TRIO: variants seen among roughly 807,000 people sequenced by gnomAD.
TRIO encodes triple functional domain protein.
In TRIO, 58 loss-of-function variants were observed where a neutral mutation model predicts 351.9. The observed-to-expected ratio is 0.16, with a 90% CI of 0.13 to 0.21. The LOEUF (loss-of-function observed/expected upper bound fraction) is 0.21. Ranked by LOEUF, TRIO falls within the 10% of genes least tolerant of loss-of-function variation. The pLI, the probability that TRIO is intolerant of heterozygous loss-of-function variation, is 1.00. For missense variants in TRIO, 3,201 were observed against 4,027.8 expected (o/e 0.79, Z 5.56); for synonymous variants, 1,758 against 1,595.7 (o/e 1.10, Z -2.42).
chr5:14,296,705 C>T (rs1737392879), intron 6 of TRIO, among the ~76,000 whole-genome samples: 1 of 152,164 alleles, frequency 6.6e-6, no homozygotes, highest in African/African-American at 2.4e-5. Flanking sequence ...CCTCAGTTCT[C>T]TGTGACTGCC....
intron 7 of TRIO, among the ~76,000 whole-genome samples, chr5:14,298,283 A>G (rs1057133689): frequency 1.3e-5 from 2 of 152,228 alleles, no homozygotes; most frequent in Non-Finnish European, 2.9e-5. Context: ...TGAAAGTAGC[A>G]AAATGAAAGG....
intron 1 of TRIO, among the ~76,000 whole-genome samples, chr5:14,223,905 A>C (rs1792812696): frequency 6.6e-6 from 1 of 152,174 alleles, no homozygotes; most frequent in Admixed American, 6.5e-5. Context: ...GATATCCCCA[A>C]AGTCTTGACT....
intron 21 of TRIO, among the ~76,000 whole-genome samples, chr5:14,386,150 C>G (rs1746520127): frequency 6.6e-6 from 1 of 152,284 alleles, no homozygotes; most frequent in South Asian, 2.1e-4. Flanking sequence ...TTAAGGGGGT[C>G]CAGGGAGGGC....
intron 34 of TRIO, among the ~76,000 whole-genome samples, chr5:14,454,366 T>A (rs2126449376): frequency 6.6e-6 from 1 of 152,254 alleles, no homozygotes; most frequent in Non-Finnish European, 1.5e-5. Flanking sequence ...GTAACACAAG[T>A]GAGAGATGAG....
intron 1 of TRIO, among the ~76,000 whole-genome samples, chr5:14,213,278 A>C (rs1792023902): frequency 6.6e-6 from 1 of 151,548 alleles, no homozygotes; most frequent in Admixed American, 6.6e-5. Context: ...GTTATTTCTA[A>C]ATTATCAGGT....
intron 34 of TRIO, among the ~76,000 whole-genome samples, chr5:14,436,448 C>A (rs1436081860): frequency 1.3e-5 from 2 of 151,708 alleles, no homozygotes; most frequent in African/African-American, 4.9e-5. Flanking sequence ...TCATTCCACC[C>A]CTGGTCCCTC....
At chr5:14,451,563 G>T (rs1752851791) in intron 34 of TRIO, among the ~76,000 whole-genome samples, 1 of 152,222 alleles carries the variant, frequency 6.6e-6, no homozygotes, top group Non-Finnish European at 1.5e-5. Flanking sequence ...ATAAAAATGT[G>T]ATTTATTGCA....
chr5:14,492,186 A>C (rs998710326), intron 48 of TRIO, among the ~76,000 whole-genome samples: 1 of 152,196 alleles, frequency 6.6e-6, no homozygotes, highest in Non-Finnish European at 1.5e-5. Flanking sequence ...TTTTTAACTG[A>C]TAATGAGATT....
intron 11 of TRIO, among the ~76,000 whole-genome samples, chr5:14,356,293 A>C (rs1285129446): frequency 6.6e-6 from 1 of 152,230 alleles, no homozygotes; most frequent in Non-Finnish European, 1.5e-5. Flanking sequence ...TTCCCTATGC[A>C]TATTTCAGAG....
At chr5:14,365,338 C>T (rs533944967) in intron 15 of TRIO, among the ~76,000 whole-genome samples, 1 of 152,198 alleles carries the variant, frequency 6.6e-6, no homozygotes, top group South Asian at 2.1e-4. Flanking sequence ...ATTTTATTAA[C>T]TGGCTTGATG....
At chr5:14,156,448 G>T (rs770093097) in intron 1 of TRIO, among the ~76,000 whole-genome samples, 2 of 152,180 alleles carry the variant, frequency 1.3e-5, no homozygotes, top group Non-Finnish European at 2.9e-5. Context: ...CATACACATA[G>T]ACATTAATTA....
In TRIO at chr5:14,369,657, C is replaced by G; in HGVS notation, c.3216+134C>G. ...GCTGTGGAATGTAACGGGGCAGTGT[C>G]GCATCAGTGAGAAGTCAGCTGAAGA... On this transcript the variant is annotated intron_variant, in intron 18 of 56. Coordinates refer to ENST00000344204, the MANE Select transcript of TRIO (RefSeq NM_007118.4). The G allele has an allele frequency of 3.5e-6, 4 of 1,141,946 alleles. No homozygotes were observed. In the South Asian group the frequency reaches 9.5e-5, roughly 27 times the overall value. 70.7% of individuals were successfully genotyped at this position (1,141,946 alleles called of 1,614,324 possible).
intron 34 of TRIO, among the ~76,000 whole-genome samples, chr5:14,427,624 G>A (rs571795147): frequency 1.3e-5 from 2 of 152,286 alleles, no homozygotes; most frequent in South Asian, 4.1e-4. Context: ...CCTTGGAGGG[G>A]AGCCTCACCT....
intron 1 of TRIO, among the ~76,000 whole-genome samples, chr5:14,258,142 C>T (rs1407391744): frequency 2.0e-5 from 3 of 152,212 alleles, no homozygotes; most frequent in Non-Finnish European, 4.4e-5. Context: ...GGTTTGCAGC[C>T]GATGTACTTA....
chr5:14,365,321 A>AT (rs1744500600), intron 15 of TRIO, among the ~76,000 whole-genome samples: 1 of 152,186 alleles, frequency 6.6e-6, no homozygotes, highest in Non-Finnish European at 1.5e-5. Flanking sequence ...CTGTGCATGG[A>AT]TATGACATTT....
At chr5:14,429,788 C>T (rs898069073) in intron 34 of TRIO, among the ~76,000 whole-genome samples, 1 of 152,200 alleles carries the variant, frequency 6.6e-6, no homozygotes. Flanking sequence ...TCACCTCTAG[C>T]TTGTGCTTCC....
At chr5:14,439,464 T>A (rs1304327588) in intron 34 of TRIO, among the ~76,000 whole-genome samples, 1 of 152,238 alleles carries the variant, frequency 6.6e-6, no homozygotes, top group African/African-American at 2.4e-5. Flanking sequence ...GACAGCTCTT[T>A]TTTAGTTTTT....
chr5:14,432,641 C>T (rs539350665), intron 34 of TRIO, among the ~76,000 whole-genome samples: 3 of 152,222 alleles, frequency 2.0e-5, no homozygotes, highest in Non-Finnish European at 4.4e-5. Context: ...GATTTCTCCT[C>T]TTCCTACTCC....
At chr5:14,473,843 A>G (rs908378341) in intron 39 of TRIO, 151 bp from the exon 40 acceptor site, 12 of 607,122 alleles carry the variant, frequency 2.0e-5, no homozygotes, top group Non-Finnish European at 3.3e-5. Context: ...GATACTTTTC[A>G]TATCGGTTTT....
Sources: gnomAD v4.1 joint callset for allele counts (sites outside exome capture counted in the v4.1 genomes callset) on GRCh38, gnomAD v4.1.1 for gene constraint, MANE v1.5 for transcripts, NCBI Gene and HGNC (gene_info 2026-07-23, HGNC 2026-07-21) for gene names.